The following CDH10 variants were observed in gnomAD, a reference collection of about 807,000 sequenced individuals.
The protein encoded by CDH10 is cadherin 10, also known as cadherin-10.
In CDH10, 30 loss-of-function variants were observed where a neutral mutation model predicts 73.1. The ratio of observed to expected loss-of-function variants is 0.41; its 90% CI spans 0.31 to 0.56. The LOEUF (loss-of-function observed/expected upper bound fraction) is 0.56, where lower values mean the gene tolerates loss of function less well. Ranked by LOEUF, CDH10 falls within the 20% of genes least tolerant of loss-of-function variation. CDH10 has a pLI of 0.27. For missense variants in CDH10, 815 were observed against 973.7 expected (o/e 0.84, Z 2.17); for synonymous variants, 345 against 348.2 (o/e 0.99, Z 0.10).
chr5:24,535,227 G>A lies in CDH10; in HGVS notation c.699C>T (p.Tyr233=), dbSNP rs1743909327. ...TGTCTTTGGCCTGGATGACCACTTG[G>A]TATTGCTCTCTGTTTTCTCTGTTCA... ...PNMNRENREQ[Y]QVVIQAKDMG... The change falls in exon 5 of 12, where the codon TAC becomes TAT. Residue 233 remains tyrosine (Y), a synonymous_variant. Coordinates refer to ENST00000264463, the MANE Select transcript of CDH10 (RefSeq NM_006727.5). The A allele has an allele frequency of 1.2e-6, 2 of 1,613,300 alleles. No individual in the cohort carries two copies. Among genetic ancestry groups the A allele is most frequent in the Non-Finnish European group, 1.7e-6 (2 of 1,179,608 alleles).
chr5:24,636,049 C>CA (rs72337480), intron 1 of CDH10, among the ~76,000 whole-genome samples: 11,544 of 151,896 alleles, frequency 0.076, 503 homozygotes, highest in Middle Eastern at 0.12. Context: ...AAAAATACAA[C>CA]ACACTCAATA....
chr5:24,596,766 T>C (rs1746386144), intron 1 of CDH10, among the ~76,000 whole-genome samples: 1 of 151,972 alleles, frequency 6.6e-6, no homozygotes, highest in Admixed American at 6.6e-5. Flanking sequence ...ACGTATTGAA[T>C]TTTCCTCAAT....
At chr5:24,531,984 G>A (rs986371973) in intron 5 of CDH10, among the ~76,000 whole-genome samples, 6 of 152,186 alleles carry the variant, frequency 3.9e-5, no homozygotes, top group African/African-American at 1.2e-4. Context: ...AGTAGTACTT[G>A]GCAGTTGACA....
At chr5:24,531,552 G>A (rs1313724322) in intron 5 of CDH10, among the ~76,000 whole-genome samples, 1 of 152,084 alleles carries the variant, frequency 6.6e-6, no homozygotes, top group Non-Finnish European at 1.5e-5. Flanking sequence ...AGGTGAATGA[G>A]GAGCAAAGTC....
intron 5 of CDH10, among the ~76,000 whole-genome samples, chr5:24,516,450 C>T (rs1038320819): frequency 1.4e-5 from 2 of 147,500 alleles, no homozygotes; most frequent in African/African-American, 2.5e-5. Flanking sequence ...ACAATTAATA[C>T]CACCATTTAC....
chr5:24,616,940 C>T (rs185801069), intron 1 of CDH10, among the ~76,000 whole-genome samples: 1 of 152,132 alleles, frequency 6.6e-6, no homozygotes, highest in South Asian at 2.1e-4. Flanking sequence ...TAGAAAAGCA[C>T]AAATCTCTCA....
At chr5:24,626,251 T>G (rs960594938) in intron 1 of CDH10, among the ~76,000 whole-genome samples, 10 of 152,122 alleles carry the variant, frequency 6.6e-5, no homozygotes, top group African/African-American at 9.7e-5. Context: ...TTGGTAGGCT[T>G]GAAGTAAACT....
intron 1 of CDH10, among the ~76,000 whole-genome samples, chr5:24,605,259 G>C (rs538349500): frequency 1.3e-5 from 2 of 152,302 alleles, no homozygotes; most frequent in South Asian, 4.1e-4. Flanking sequence ...ATAGGTCTAT[G>C]ACCTGTTAGG....
At chr5:24,584,189 T>TC (rs1219806508) in intron 2 of CDH10, among the ~76,000 whole-genome samples, 10 of 152,136 alleles carry the variant, frequency 6.6e-5, no homozygotes, top group African/African-American at 2.4e-4. Context: ...ACATCAAGTT[T>TC]CAAAATATTA....
At chr5:24,641,833 C>A (rs541204803) in intron 1 of CDH10, among the ~76,000 whole-genome samples, 1 of 152,058 alleles carries the variant, frequency 6.6e-6, no homozygotes, top group South Asian at 2.1e-4. Context: ...CTTTTGAAAC[C>A]CTATTCCAGA....
Position 24,524,740 on chromosome 5 carries a change from T to G in CDH10, c.814+10372A>C, listed in dbSNP as rs1266257590. The stretch of plus-strand genomic sequence containing the variant: ...CCATTTCTATATCACATAAATAAAG[T>G]CGTATTGAAAAAGTAAAAATCTAGA... On this transcript the variant is annotated intron_variant, in intron 5 of 11. Coordinates refer to ENST00000264463, the MANE Select transcript of CDH10 (RefSeq NM_006727.5). Among the ~76,000 whole-genome samples, 4 of 151,934 alleles carry G rather than the reference T, an allele frequency of 2.6e-5. No homozygotes were observed. The East Asian group carries it at 7.7e-4, about 29-fold the overall frequency.
At chr5:24,530,260 A>G (rs1743690694) in intron 5 of CDH10, among the ~76,000 whole-genome samples, 1 of 151,832 alleles carries the variant, frequency 6.6e-6, no homozygotes, top group Non-Finnish European at 1.5e-5. Flanking sequence ...CTTAATCACT[A>G]ACTATGGGCA....
At chr5:24,601,532 A>G (rs574753635) in intron 1 of CDH10, among the ~76,000 whole-genome samples, 1 of 152,276 alleles carries the variant, frequency 6.6e-6, no homozygotes, top group Admixed American at 6.5e-5. Context: ...TTGGAAGCGT[A>G]TGAACTACAG....
intron 2 of CDH10, among the ~76,000 whole-genome samples, chr5:24,575,027 G>A (rs529766982): frequency 2.6e-5 from 4 of 151,984 alleles, no homozygotes; most frequent in African/African-American, 9.7e-5. Context: ...TCACTCAAAC[G>A]GATCTGAGAC....
intron 1 of CDH10, among the ~76,000 whole-genome samples, chr5:24,605,707 C>T (rs1050113166): frequency 1.3e-5 from 2 of 152,196 alleles, no homozygotes; most frequent in Admixed American, 6.5e-5. Flanking sequence ...AATATTCCTA[C>T]CCTAGGTACT....
At chr5:24,602,537 C>T (rs1006194889) in intron 1 of CDH10, among the ~76,000 whole-genome samples, 2 of 152,132 alleles carry the variant, frequency 1.3e-5, no homozygotes, top group African/African-American at 2.4e-5. Context: ...GTGATACTTA[C>T]TACGTGATGT....
intron 2 of CDH10, among the ~76,000 whole-genome samples, chr5:24,579,106 T>C (rs1745699144): frequency 6.6e-6 from 1 of 151,976 alleles, no homozygotes; most frequent in Non-Finnish European, 1.5e-5. Flanking sequence ...GTTATAAATA[T>C]ATATGAAAAG....
rs70965615 is a variant in CDH10 at position 24,560,200 on chromosome 5, TTGTGTGTGTGTGTG to T, written c.232-22540_232-22527del. ...ATGTTTCATTTGGAAATATTTGCAATTGTGTGTGTGTGTGTGTGTGTGTGTGTGTGTGTGTGTGT... is the reference window on the plus strand; with the variant it reads ...ATGTTTCATTTGGAAATATTTGCAATTGTGTGTGTGTGTGTGTGTGTGTGT... On this transcript the variant is annotated intron_variant, in intron 2 of 11. Transcript: ENST00000264463. Among the ~76,000 whole-genome samples the T allele has an allele frequency of 4.4e-3, 646 of 148,328 alleles. 5 individuals are homozygous for T. Among genetic ancestry groups the T allele is most frequent in the African/African-American group, 0.015 (575 of 39,332 alleles).
At chr5:24,596,428 C>G (rs1410820985) in intron 1 of CDH10, among the ~76,000 whole-genome samples, 4 of 151,680 alleles carry the variant, frequency 2.6e-5, no homozygotes, top group East Asian at 3.9e-4. Context: ...TTCATGCAAA[C>G]AGCATACAAT....
Sources: allele counts gnomAD v4.1 joint callset (sites outside exome capture counted in the v4.1 genomes callset), GRCh38; gene constraint gnomAD v4.1.1; transcripts MANE v1.5; gene names NCBI Gene and HGNC (gene_info 2026-07-23, HGNC 2026-07-21).